The following EYS variants were observed in gnomAD, a reference collection of about 807,000 sequenced individuals.
EYS encodes EGF-like photoreceptor maintenance factor, also known as protein eyes shut homolog.
EYS carries 250 observed loss-of-function variants against 282.1 expected under a neutral mutation model. That is an observed-to-expected ratio of 0.89 (90% CI 0.80 to 0.98). EYS has a LOEUF of 0.98. EYS is among the 50% of genes least tolerant of loss of function. The pLI is 0.00. For synonymous variants in EYS, 1,355 were observed against 1,282.9 expected (o/e 1.06, Z -1.20); for missense variants, 4,016 against 3,709.0 (o/e 1.08, Z -2.15).
chr6:65,664,622 G>A (rs1768138559), intron 1 of EYS, among the ~76,000 whole-genome samples: 1 of 152,074 alleles, frequency 6.6e-6, no homozygotes, highest in Admixed American at 6.6e-5. Flanking sequence ...GGTGGGCAGA[G>A]GAGAAGGATT....
chr6:65,378,309 G>A (rs76264662), intron 8 of EYS, among the ~76,000 whole-genome samples: 4 of 152,132 alleles, frequency 2.6e-5, no homozygotes, highest in African/African-American at 7.2e-5. Flanking sequence ...GGTCATTAGA[G>A]AAATGCAAAT....
At chr6:64,795,090 C>T (rs910031670) in intron 22 of EYS, among the ~76,000 whole-genome samples, 1 of 152,024 alleles carries the variant, frequency 6.6e-6, no homozygotes, top group Non-Finnish European at 1.5e-5. Flanking sequence ...CAAAAATTAG[C>T]TGGGCATGGT....
chr6:65,102,277 C>A (rs1774916334), intron 12 of EYS, among the ~76,000 whole-genome samples: 1 of 151,270 alleles, frequency 6.6e-6, no homozygotes, highest in Non-Finnish European at 1.5e-5. Flanking sequence ...AGCAAAATGA[C>A]TTACATTAAT....
intron 35 of EYS, among the ~76,000 whole-genome samples, chr6:63,957,501 G>A (rs1765876478): frequency 7.1e-6 from 1 of 141,176 alleles, no homozygotes; most frequent in African/African-American, 2.4e-5. Context: ...CACAAATATT[G>A]TAGAGTAATT....
At chr6:64,950,832 T>TATATATATATATA (rs1310289103) in intron 14 of EYS, among the ~76,000 whole-genome samples, 1 of 103,102 alleles carries the variant, frequency 9.7e-6, no homozygotes, top group Non-Finnish European at 1.9e-5. Flanking sequence ...TATATATATA[T>TATATATATATATA]ATTGTTGAAT....
chr6:65,458,274 C>G (rs1764701729), intron 5 of EYS, among the ~76,000 whole-genome samples: 1 of 152,082 alleles, frequency 6.6e-6, no homozygotes, highest in African/African-American at 2.4e-5. Context: ...TCTACCGTGG[C>G]ACATCACATC....
At chr6:64,833,787 TA>T (rs962600316) in intron 19 of EYS, among the ~76,000 whole-genome samples, 2 of 151,792 alleles carry the variant, frequency 1.3e-5, no homozygotes, top group East Asian at 1.9e-4. Context: ...CTTTTATAAT[TA>T]AAAAAATGTA....
At chr6:64,631,302 TCAAATTGGAAAGTA>T (rs1767771025) in intron 22 of EYS, 1 of 152,156 alleles carries the variant, frequency 6.6e-6, no homozygotes, top group Admixed American at 6.5e-5. Flanking sequence ...AAATGATTCT[TCAAATTGGAAAGTA>T]CTGTCTTACA....
intron 16 of EYS, among the ~76,000 whole-genome samples, chr6:64,908,872 T>G (rs1767908976): frequency 6.6e-6 from 1 of 151,910 alleles, no homozygotes; most frequent in Non-Finnish European, 1.5e-5. Context: ...GTAAAATAGG[T>G]GAAGGGTGGG....
intron 30 of EYS, among the ~76,000 whole-genome samples, chr6:64,260,773 A>G (rs1399559676): frequency 6.6e-6 from 1 of 151,978 alleles, no homozygotes; most frequent in Non-Finnish European, 1.5e-5. Flanking sequence ...CATTACTGAT[A>G]ATATATAAAA....
intron 35 of EYS, among the ~76,000 whole-genome samples, chr6:63,893,439 A>T (rs1773458112): frequency 1.3e-5 from 2 of 152,184 alleles, no homozygotes; most frequent in Admixed American, 1.3e-4. Flanking sequence ...GACAAGGATG[A>T]GTCTGGAAAC....
intron 33 of EYS, among the ~76,000 whole-genome samples, chr6:64,008,459 T>C (rs1307364894): frequency 6.6e-6 from 1 of 152,214 alleles, no homozygotes; most frequent in African/African-American, 2.4e-5. Context: ...ATTTAGCCTG[T>C]TTACATTCAA....
At chr6:65,477,939 AAT>A (rs1324253596) in intron 5 of EYS, among the ~76,000 whole-genome samples, 2 of 152,178 alleles carry the variant, frequency 1.3e-5, no homozygotes, top group African/African-American at 4.8e-5. Flanking sequence ...CCTATTTTCA[AAT>A]ATGTCTGTCA....
intron 29 of EYS, among the ~76,000 whole-genome samples, chr6:64,378,566 A>G (rs1772639249): frequency 6.6e-6 from 1 of 152,066 alleles, no homozygotes. Context: ...TGCTGGGGGG[A>G]AACTTAAAAT....
At chr6:65,525,405 A>G (rs991947897) in intron 2 of EYS, among the ~76,000 whole-genome samples, 2 of 152,068 alleles carry the variant, frequency 1.3e-5, no homozygotes, top group Non-Finnish European at 2.9e-5. Flanking sequence ...CTCAACACTG[A>G]TTTTCCAGCC....
chr6:65,374,224 C>A (rs577272425), intron 8 of EYS, among the ~76,000 whole-genome samples: 3 of 152,124 alleles, frequency 2.0e-5, no homozygotes, highest in Admixed American at 6.5e-5. Context: ...GCAGTGAGTG[C>A]GGCCCACCAA....
At chr6:65,660,930 C>T (rs1271066482) in intron 1 of EYS, among the ~76,000 whole-genome samples, 2 of 151,676 alleles carry the variant, frequency 1.3e-5, no homozygotes, top group East Asian at 3.9e-4. Context: ...ACTAGTGTGA[C>T]AATGATTATT....
intron 22 of EYS, chr6:64,631,802 T>A (rs1282324553): frequency 6.6e-6 from 1 of 152,086 alleles, no homozygotes; most frequent in African/African-American, 2.4e-5. Flanking sequence ...GTACAAAAAC[T>A]GAATTTTCAT....
intron 31 of EYS, among the ~76,000 whole-genome samples, chr6:64,180,554 G>T (rs950912135): frequency 2.0e-5 from 3 of 150,614 alleles, no homozygotes; most frequent in Admixed American, 1.3e-4. Flanking sequence ...CCAATAGGAA[G>T]TTTTTCAACC....
Sources: gnomAD v4.1 joint callset for allele counts (sites outside exome capture counted in the v4.1 genomes callset) on GRCh38, gnomAD v4.1.1 for gene constraint, MANE v1.5 for transcripts, NCBI Gene and HGNC (gene_info 2026-07-23, HGNC 2026-07-21) for gene names.